Variants in SLC12A3 observed in about 807,000 individuals in gnomAD.
The protein encoded by SLC12A3 is Na-Cl cotransporter.
Under a neutral mutation model 121.0 loss-of-function variants are expected in SLC12A3, and 104 were observed. The ratio of observed to expected loss-of-function variants is 0.86; its 90% CI spans 0.73 to 1.01. The LOEUF (loss-of-function observed/expected upper bound fraction) is 1.01, where lower values mean the gene tolerates loss of function less well. SLC12A3 is among the 50% of genes least tolerant of loss of function. The pLI is 0.00. For synonymous variants in SLC12A3, 536 were observed against 533.4 expected (o/e 1.00, Z -0.07); for missense variants, 1,328 against 1,356.3 (o/e 0.98, Z 0.33).
chr16:56,879,054 C>G lies in SLC12A3; in HGVS notation c.1181-19C>G. ...AGGAGGGAAGGCAGACCTCCCCATG[C>G]TCTCCTTCCTCCTCTCAGGCTCCTG... is the stretch of plus-strand genomic sequence containing the variant. On this transcript the variant is annotated intron_variant, in intron 9 of 25. Transcript: ENST00000563236. 1.3e-6 allele frequency: 2 copies of G among 1,598,028 alleles called. No individual in the cohort carries two copies. The highest frequency in any genetic ancestry group is 2.3e-5 in the South Asian group (2 of 88,730).
At chr16:56,876,850 C>G (rs947277733) in intron 8 of SLC12A3, among the ~76,000 whole-genome samples, 2 of 152,184 alleles carry the variant, frequency 1.3e-5, no homozygotes, top group Non-Finnish European at 2.9e-5. Flanking sequence ...GGAAAGTGAG[C>G]AGGTCTTGAA....
At chr16:56,901,402 C>T (rs1341689418) in intron 23 of SLC12A3, among the ~76,000 whole-genome samples, 1 of 142,874 alleles carries the variant, frequency 7.0e-6, no homozygotes, top group African/African-American at 2.7e-5. Flanking sequence ...TACAGTGGTA[C>T]CATCTCAGCT....
chr16:56,865,424 G>A lies in SLC12A3; in HGVS notation c.189G>A (p.Val63=), dbSNP rs2144678267. ...CCTTTGGCTACAACACGATCGATGT[G>A]GTGCCCACATATGAGCACTATGCCA... The part of the protein sequence containing the change: ...MRTFGYNTID[V]VPTYEHYANS... The change falls in exon 1 of 26, where the codon GTG becomes GTA. Residue 63 remains valine (V), a synonymous_variant. Coordinates refer to ENST00000563236, the MANE Select transcript of SLC12A3 (RefSeq NM_001126108.2). The A allele has an allele frequency of 6.2e-7, 1 of 1,614,156 alleles. No individual in the cohort carries two copies. The highest frequency in any genetic ancestry group is 8.5e-7 in the Non-Finnish European group (1 of 1,180,046).
chr16:56,895,393 C>T (rs1428237895), intron 22 of SLC12A3, among the ~76,000 whole-genome samples: 1 of 150,662 alleles, frequency 6.6e-6, no homozygotes, highest in Non-Finnish European at 1.5e-5. Context: ...GGGGTTTCGC[C>T]ATGTTGGCTA....
chr16:56,880,489 G>A (rs1478073368), intron 12 of SLC12A3, among the ~76,000 whole-genome samples: 2 of 152,206 alleles, frequency 1.3e-5, no homozygotes, highest in African/African-American at 4.8e-5. Context: ...ACCATGTCAG[G>A]CAGCAGAGCC....
rs986582124 is a variant in SLC12A3 at position 56,894,634 on chromosome 16, G to A, written c.2625G>A (p.Glu875=). ...GCCAGATTAACAGGATGGACCAGGA[G>A]AGAAAGGCGTAAGTGTGGAGGGCTG... ...VGGQINRMDQ[E]RKAIISLLSK... Residue 875 remains glutamate, a synonymous_variant, in exon 22 of 26, where the codon GAG becomes GAA. Coordinates refer to ENST00000563236, the MANE Select transcript of SLC12A3 (RefSeq NM_001126108.2). 6.2e-7 allele frequency: 1 copy of A among 1,613,748 alleles called. No homozygotes were observed. Among genetic ancestry groups the A allele is most frequent in the Non-Finnish European group, 8.5e-7 (1 of 1,179,664 alleles).
rs1250617826 is a variant in SLC12A3, at chr16:56,872,362, G to A, written c.864G>A (p.Leu288=). The change falls in exon 7 of 26, where the codon CTG becomes CTA. Residue 288 remains leucine, a synonymous_variant. Coordinates refer to ENST00000563236, the MANE Select transcript of SLC12A3 (RefSeq NM_001126108.2). The stretch of plus-strand genomic sequence containing the variant: ...TTCGCCCCCTCCAGGCCCAGGTGCT[G>A]TTCTTCCTTGTCATCATGGTCTCCT... The part of the protein sequence containing the change: ...GMEWESKAQV[L]FFLVIMVSFA... 6.8e-6 allele frequency: 11 copies of A among 1,613,858 alleles called. No homozygotes were observed. The highest frequency in any genetic ancestry group is 8.5e-6 in the Non-Finnish European group (10 of 1,179,862).
chr16:56,879,009 G>A, intron 9 of SLC12A3, 64 bp from the exon 10 acceptor site: 1 of 1,552,038 alleles, frequency 6.4e-7, no homozygotes, highest in African/African-American at 1.4e-5. Flanking sequence ...GCAGAGGTGG[G>A]GCTGGAAGAG....
chr16:56,899,890 G>T (rs1215155135), intron 23 of SLC12A3, among the ~76,000 whole-genome samples: 1 of 152,218 alleles, frequency 6.6e-6, no homozygotes. Flanking sequence ...AGTGACCTGG[G>T]CAACAACTTC....
intron 14 of SLC12A3, 130 bp downstream of exon 14, chr16:56,884,334 C>T (rs2055282817): frequency 4.4e-6 from 4 of 915,910 alleles, no homozygotes; most frequent in Non-Finnish European, 6.8e-6. Context: ...TCTGCCCCTC[C>T]CCTTTATCCC....
rs769822027 is a variant in SLC12A3 at position 56,867,184 on chromosome 16, C to G, written c.397C>G (p.Pro133Ala). 6.2e-7 allele frequency: 1 copy of G among 1,613,394 alleles called. No homozygotes were observed. Among genetic ancestry groups the G allele is most frequent in the South Asian group, 1.1e-5 (1 of 90,974 alleles). The change falls in exon 2 of 26, where the codon CCA becomes GCA. Residue 133 changes from proline to alanine, a missense_variant. By Grantham distance (27) the Pro-to-Ala change is conservative. Coordinates refer to ENST00000563236, the MANE Select transcript of SLC12A3 (RefSeq NM_001126108.2). ...GTSSEKNPEE[P>A]VRFGWVKGVM... ...CAGCAGCGAGAAGAACCCCGAGGAG[C>G]CAGTGCGCTTCGGCTGGGTCAAGGG...
chr16:56,911,301 G>A (rs2055680748), intron 25 of SLC12A3, among the ~76,000 whole-genome samples: 1 of 138,330 alleles, frequency 7.2e-6, no homozygotes, highest in Non-Finnish European at 1.6e-5. Context: ...CCTAATTTTT[G>A]AGACCTTTTG....
At chr16:56,875,083 C>G (rs1231215155) in intron 8 of SLC12A3, among the ~76,000 whole-genome samples, 2 of 152,114 alleles carry the variant, frequency 1.3e-5, no homozygotes, top group African/African-American at 4.8e-5. Flanking sequence ...CCTCATCAAG[C>G]TTTTTAGGTT....
In SLC12A3 at chr16:56,865,531, C is replaced by T; in HGVS notation, c.282+14C>T. 6.2e-7 allele frequency: 1 copy of T among 1,609,066 alleles called. No individual in the cohort carries two copies. Among genetic ancestry groups the T allele is most frequent in the Non-Finnish European group, 8.5e-7 (1 of 1,179,984 alleles). ...TCCTTCCTCAAGGTAAGTGCTGTCT[C>T]AGAAGACTGGCCACTTCCCTGCTGT... On this transcript the variant is annotated intron_variant, in intron 1 of 25. Transcript: ENST00000563236.
At chr16:56,910,426 C>T (rs557837602) in intron 25 of SLC12A3, among the ~76,000 whole-genome samples, 1 of 152,154 alleles carries the variant, frequency 6.6e-6, no homozygotes, top group Non-Finnish European at 1.5e-5. Context: ...ACCCCCACCT[C>T]CCGGGACTCA....
intron 25 of SLC12A3, 196 bp downstream of exon 25, chr16:56,904,658 C>T (rs535736561): frequency 2.0e-5 from 12 of 599,998 alleles, no homozygotes; most frequent in African/African-American, 3.7e-5. Context: ...ACCTGAGCTC[C>T]AGCTGGCAGG....
chr16:56,867,133 GGGCT>G lies in SLC12A3; in HGVS notation c.349_352del (p.Leu117TrpfsTer25), dbSNP rs1964375071. On this transcript the variant is annotated frameshift_variant, in exon 2 of 26. Coordinates refer to ENST00000563236, the MANE Select transcript of SLC12A3 (RefSeq NM_001126108.2). LOFTEE classifies it high-confidence loss of function. Reference sequence around the variant, plus strand: ...CCGGCCCAGCCACGAGATGACTGATGGGCTGGTGGAGGGCGAGGCAGGCACCAGC... The same window carrying G: ...CCGGCCCAGCCACGAGATGACTGATGGGTGGAGGGCGAGGCAGGCACCAGC... The G allele has an allele frequency of 6.2e-7, 1 of 1,613,950 alleles. No individual in the cohort carries two copies. Among genetic ancestry groups the G allele is most frequent in the African/African-American group, 1.3e-5 (1 of 74,934 alleles).
At chr16:56,870,331 C>G in intron 5 of SLC12A3, 96 bp downstream of exon 5, 2 of 1,350,578 alleles carry the variant, frequency 1.5e-6, no homozygotes, top group African/African-American at 2.9e-5. Context: ...GCTGCTCTGC[C>G]TGACTTCACC....
intron 1 of SLC12A3, among the ~76,000 whole-genome samples, chr16:56,866,835 T>A (rs1964366448): frequency 6.6e-6 from 1 of 152,220 alleles, no homozygotes; most frequent in South Asian, 2.1e-4. Flanking sequence ...CTTGAACTCC[T>A]AAGCTCAAGC....
Sources: allele counts gnomAD v4.1 joint callset (sites outside exome capture counted in the v4.1 genomes callset), GRCh38; gene constraint gnomAD v4.1.1; transcripts MANE v1.5; gene names NCBI Gene and HGNC (gene_info 2026-07-23, HGNC 2026-07-21).